CSTL1: variants seen among roughly 807,000 people sequenced by gnomAD.
CSTL1 encodes the protein cystatin like 1.
A neutral mutation model predicts 14.4 loss-of-function variants in CSTL1; 14 were observed. The ratio of observed to expected loss-of-function variants is 0.97; its 90% CI spans 0.64 to 1.52. The LOEUF (loss-of-function observed/expected upper bound fraction) is 1.52, where lower values mean the gene tolerates loss of function less well. Among genes scored for constraint, CSTL1 ranks in the 40% most tolerant of loss-of-function variants. CSTL1 has a pLI of 0.00. For synonymous variants in CSTL1, 72 were observed against 67.5 expected, an observed-to-expected ratio of 1.07 and a Z score of -0.33; for missense variants, 170 against 168.7, an observed-to-expected ratio of 1.01 and a Z score of -0.04.
At chr20:23,441,084 C>T (rs953303787) in intron 2 of CSTL1, among the ~76,000 whole-genome samples, 1 of 152,140 alleles carries the variant, frequency 6.6e-6, no homozygotes, top group African/African-American at 2.4e-5. Context: ...GGAAGAAATG[C>T]CTTTCATTCT....
the CSTL1 span, chr20:23,452,890 C>T: frequency 2.6e-6 from 3 of 1,155,112 alleles, no homozygotes. Context: ...CCTACCTGCC[C>T]TGGCAGGATT....
At chr20:23,440,756 CTTT>C (rs11346588) in intron 2 of CSTL1, 8,642 of 354,490 alleles carry the variant, frequency 0.024, 1 homozygote, top group East Asian at 0.037. Context: ...GGATTAAACT[CTTT>C]TTTTTTTTTT....
chr20:23,442,048 A>G (rs959861306), intron 2 of CSTL1, among the ~76,000 whole-genome samples: 2 of 152,242 alleles, frequency 1.3e-5, no homozygotes, highest in African/African-American at 2.4e-5. Context: ...TTCTTCCACA[A>G]TTGGTTAAGA....
chr20:23,450,056 A>G, the CSTL1 span, among the ~76,000 whole-genome samples: 1 of 152,180 alleles, frequency 6.6e-6, no homozygotes, highest in Non-Finnish European at 1.5e-5. Flanking sequence ...TTCACACTTT[A>G]GGTAAGGAGA....
the CSTL1 span, among the ~76,000 whole-genome samples, chr20:23,460,385 G>T: frequency 1.3e-5 from 2 of 152,206 alleles, no homozygotes; most frequent in African/African-American, 4.8e-5. Flanking sequence ...TGTGTTGGTG[G>T]AAGGAATGCC....
the CSTL1 span, among the ~76,000 whole-genome samples, chr20:23,459,799 C>T: frequency 1.3e-5 from 2 of 152,180 alleles, no homozygotes; most frequent in Non-Finnish European, 2.9e-5. Context: ...TGAATAAAAT[C>T]CTTTTCCCTG....
At chr20:23,451,792 C>T in the CSTL1 span, 42 of 1,561,172 alleles carry the variant, frequency 2.7e-5, no homozygotes, top group Middle Eastern at 1.7e-4. Flanking sequence ...CTTCTGTCTA[C>T]GTTAAAGTGC....
At chr20:23,448,872 A>G (rs897346376), downstream of CSTL1, among the ~76,000 whole-genome samples, 2 of 152,204 alleles carry the variant, frequency 1.3e-5, no homozygotes, top group African/African-American at 2.4e-5. Flanking sequence ...AGCAATTTAT[A>G]TGCATTATCA....
At chr20:23,459,700 A>G in the CSTL1 span, among the ~76,000 whole-genome samples, 5 of 152,242 alleles carry the variant, frequency 3.3e-5, no homozygotes, top group Non-Finnish European at 7.3e-5. Flanking sequence ...ATTTAGTTTT[A>G]TTCACAACTG....
chr20:23,451,153 C>T, the CSTL1 span, among the ~76,000 whole-genome samples: 1 of 152,212 alleles, frequency 6.6e-6, no homozygotes, highest in African/African-American at 2.4e-5. Context: ...TCCATCTTTA[C>T]TTCCTGACTT....
the CSTL1 span, among the ~76,000 whole-genome samples, chr20:23,460,549 C>T: frequency 6.6e-6 from 1 of 152,110 alleles, no homozygotes; most frequent in African/African-American, 2.4e-5. Flanking sequence ...CGAGACAAGT[C>T]TCAATCATTT....
chr20:23,447,039 G>T (rs548653302), downstream of CSTL1, among the ~76,000 whole-genome samples: 25 of 152,244 alleles, frequency 1.6e-4, no homozygotes, highest in South Asian at 4.8e-3. Context: ...GCTAATTGAG[G>T]GCTGACTGGG....
chr20:23,453,421 T>G, the CSTL1 span, among the ~76,000 whole-genome samples: 1 of 152,086 alleles, frequency 6.6e-6, no homozygotes, highest in Non-Finnish European at 1.5e-5. Context: ...TCCGCTGGAC[T>G]TGCATGTTTT....
chr20:23,444,125 AC>A lies in CSTL1; in HGVS notation c.330+82del, dbSNP rs1484934490. 1.5e-5 allele frequency: 19 copies of A among 1,301,340 alleles called. 1 individual carries two copies. Among genetic ancestry groups the A allele is most frequent in the Non-Finnish European group, 2.1e-5 (19 of 913,654 alleles). 80.6% of individuals were successfully genotyped at this position (1,301,340 alleles called of 1,614,324 possible). ...ACAGCTAGAAGTTGGCAGTTTTGCC[AC>A]TTGTGTGGATTGGGGCCAGCTGGGG... On this transcript the variant is annotated intron_variant, in intron 3 of 3. Coordinates refer to ENST00000347397, the MANE Select transcript of CSTL1 (RefSeq NM_138283.1).
the CSTL1 span, chr20:23,450,493 C>T: frequency 5.7e-6 from 9 of 1,582,414 alleles, no homozygotes; most frequent in East Asian, 1.4e-4. Flanking sequence ...CGCAGTTGTA[C>T]ACTCCAGGAC....
chr20:23,452,668 C>T, the CSTL1 span: 1 of 1,614,124 alleles, frequency 6.2e-7, no homozygotes, highest in Non-Finnish European at 8.5e-7. Context: ...TGATCCACTG[C>T]AAGCTGTCCT....
chr20:23,445,033 ACAC>A (rs1986937644), downstream of CSTL1: 1 of 652,232 alleles, frequency 1.5e-6, no homozygotes, highest in Non-Finnish European at 2.8e-6. Context: ...CAACCCACAC[ACAC>A]AATGCTCATA....
chr20:23,443,121 C>G (rs1397467144), intron 2 of CSTL1, among the ~76,000 whole-genome samples: 2 of 152,124 alleles, frequency 1.3e-5, no homozygotes, highest in Non-Finnish European at 2.9e-5. Flanking sequence ...TAGGAGGAAA[C>G]TGGCATTATT....
the CSTL1 span, chr20:23,452,479 G>T: frequency 1.3e-6 from 1 of 772,608 alleles, no homozygotes; most frequent in Non-Finnish European, 2.3e-6. Flanking sequence ...CTCACATCAA[G>T]CTAAGCAAGG....
Sources: gnomAD v4.1 joint callset for allele counts (sites outside exome capture counted in the v4.1 genomes callset) on GRCh38, gnomAD v4.1.1 for gene constraint, MANE v1.5 for transcripts, NCBI Gene and HGNC (gene_info 2026-07-23, HGNC 2026-07-21) for gene names.